The following ZBTB7C variants were observed in gnomAD, a reference collection of about 807,000 sequenced individuals.
ZBTB7C encodes zinc finger and BTB domain containing 7C, also known as zinc finger and BTB domain-containing protein 7C.
Under a neutral mutation model 25.7 loss-of-function variants are expected in ZBTB7C, and 8 were observed. That is an observed-to-expected ratio of 0.31 (90% confidence interval 0.18 to 0.56). ZBTB7C has a LOEUF of 0.56. Ranked by LOEUF, ZBTB7C falls within the 20% of genes least tolerant of loss-of-function variation. ZBTB7C has a pLI of 0.91. For synonymous variants in ZBTB7C, 394 were observed against 369.0 expected (o/e 1.07, Z -0.78); for missense variants, 824 against 855.2 (o/e 0.96, Z 0.46).
At chr18:48,338,808 T>A (rs1055226808) in intron 1 of ZBTB7C, among the ~76,000 whole-genome samples, 1 of 151,954 alleles carries the variant, frequency 6.6e-6, no homozygotes, top group African/African-American at 2.4e-5. Context: ...TGTTCTCGCA[T>A]GTGAGATGTA....
At chr18:48,305,553 C>T (rs1297576393) in intron 2 of ZBTB7C, among the ~76,000 whole-genome samples, 1 of 152,146 alleles carries the variant, frequency 6.6e-6, no homozygotes, top group Non-Finnish European at 1.5e-5. Flanking sequence ...GGAGGTGATA[C>T]CCCTCCTGGG....
intron 1 of ZBTB7C, among the ~76,000 whole-genome samples, chr18:48,358,156 G>C (rs905289280): frequency 6.6e-6 from 1 of 152,162 alleles, no homozygotes; most frequent in African/African-American, 2.4e-5. Context: ...TTCGAGAACA[G>C]CCTGGCCAAC....
chr18:48,251,129 C>T (rs1269814203), intron 2 of ZBTB7C, among the ~76,000 whole-genome samples: 1 of 151,882 alleles, frequency 6.6e-6, no homozygotes, highest in Non-Finnish European at 1.5e-5. Context: ...GAGAATGGGG[C>T]AGGACAATCA....
chr18:48,258,140 C>T (rs1348123738), intron 2 of ZBTB7C, among the ~76,000 whole-genome samples: 1 of 152,182 alleles, frequency 6.6e-6, no homozygotes, highest in Non-Finnish European at 1.5e-5. Flanking sequence ...TAATGATGAA[C>T]AACTGAATGT....
intron 1 of ZBTB7C, among the ~76,000 whole-genome samples, chr18:48,394,404 G>A (rs930170509): frequency 2.0e-5 from 3 of 152,210 alleles, no homozygotes; most frequent in Admixed American, 6.5e-5. Context: ...AGCTAAGCCA[G>A]AGGTTCAGCA....
rs747816775 is a variant in ZBTB7C, at chr18:48,162,293, GGAGGCAGGGACTCCACCTCA to G, written c.-17+23621_-17+23640del. ...AGCTAAAGGAGGATCCAGCAACAGT[GGAGGCAGGGACTCCACCTCA>G]GAGGCAGGGCCGCACTGAAGCCCAG... On this transcript the variant is annotated intron_variant, in intron 3 of 4. Transcript: ENST00000590800. 2.1e-4 allele frequency: 95 copies of G among 448,610 alleles called. 1 individual carries two copies. The Middle Eastern group carries it at 4.1e-3, about 19-fold the overall frequency. 27.8% of individuals were successfully genotyped at this position (448,610 alleles called of 1,614,324 possible).
At chr18:48,263,797 G>C (rs2044237591) in intron 2 of ZBTB7C, among the ~76,000 whole-genome samples, 1 of 151,576 alleles carries the variant, frequency 6.6e-6, no homozygotes, top group Non-Finnish European at 1.5e-5. Flanking sequence ...GTTAGTAATA[G>C]ATTAGTAATC....
chr18:48,327,482 G>C (rs897413436), intron 2 of ZBTB7C, among the ~76,000 whole-genome samples: 5 of 152,192 alleles, frequency 3.3e-5, no homozygotes, highest in Non-Finnish European at 5.9e-5. Flanking sequence ...TGAACTCACT[G>C]ATCCCCAGCT....
At chr18:48,034,690 C>A (rs2035899089) in intron 4 of ZBTB7C, among the ~76,000 whole-genome samples, 1 of 152,200 alleles carries the variant, frequency 6.6e-6, no homozygotes. Context: ...AATTTCAGAA[C>A]TCTCCGACTA....
chr18:48,044,859 C>T (rs750253643), intron 3 of ZBTB7C, among the ~76,000 whole-genome samples: 3 of 152,218 alleles, frequency 2.0e-5, no homozygotes, highest in Admixed American at 6.5e-5. Flanking sequence ...CTCACAATAA[C>T]GCATTTAGCT....
chr18:48,119,562 T>G (rs184720554), intron 3 of ZBTB7C, among the ~76,000 whole-genome samples: 4 of 152,348 alleles, frequency 2.6e-5, no homozygotes, highest in Admixed American at 2.6e-4. Context: ...ATACCTACTT[T>G]TTGTCTTTTT....
chr18:48,146,060 G>T lies in ZBTB7C; in HGVS notation c.-17+39874C>A, dbSNP rs574341099. Reference sequence around the variant, plus strand: ...ATTTTTTCCTAGGTTTTTTGCTTTTGTGATTTTTTGTTTAGATACTTGCCT... The same window carrying T: ...ATTTTTTCCTAGGTTTTTTGCTTTTTTGATTTTTTGTTTAGATACTTGCCT... On this transcript the variant is annotated intron_variant, in intron 3 of 4. Transcript: ENST00000590800. 1.2e-3 allele frequency among the ~76,000 whole-genome samples: 185 copies of T among 152,066 alleles called. 1 individual carries two copies. Among genetic ancestry groups the T allele is most frequent in the Admixed American group, 9.0e-3 (138 of 15,280 alleles).
intron 3 of ZBTB7C, among the ~76,000 whole-genome samples, chr18:48,127,621 G>T (rs916222373): frequency 2.6e-5 from 4 of 152,188 alleles, no homozygotes; most frequent in Non-Finnish European, 5.9e-5. Context: ...TCCTCCCAGG[G>T]CCCCACTGTT....
chr18:48,367,303 TG>T (rs1173577004), intron 1 of ZBTB7C, among the ~76,000 whole-genome samples: 1 of 136,830 alleles, frequency 7.3e-6, no homozygotes, highest in Non-Finnish European at 1.6e-5. Flanking sequence ...TATACATATA[TG>T]TATAGATACA....
intron 2 of ZBTB7C, among the ~76,000 whole-genome samples, chr18:48,234,884 T>G (rs1251186252): frequency 6.6e-6 from 1 of 152,206 alleles, no homozygotes; most frequent in African/African-American, 2.4e-5. Flanking sequence ...GCATACAAAT[T>G]TAGAAGTGAT....
chr18:48,271,469 T>C (rs1317490252), intron 2 of ZBTB7C, among the ~76,000 whole-genome samples: 1 of 149,066 alleles, frequency 6.7e-6, no homozygotes, highest in Non-Finnish European at 1.5e-5. Flanking sequence ...ACTGTATGTA[T>C]ATGATACATA....
At chr18:48,202,188 G>T (rs1174516390) in intron 2 of ZBTB7C, among the ~76,000 whole-genome samples, 3 of 152,228 alleles carry the variant, frequency 2.0e-5, no homozygotes, top group African/African-American at 7.2e-5. Flanking sequence ...GGGGCTGGGA[G>T]GAGGCAGGAC....
chr18:48,133,271 C>T lies in ZBTB7C; in HGVS notation c.-17+52663G>A, dbSNP rs193013531. Among the ~76,000 whole-genome samples, 140 of 152,234 alleles carry T rather than the reference C, an allele frequency of 9.2e-4. 1 individual carries two copies. The highest frequency in any genetic ancestry group is 3.1e-3 in the African/African-American group (129 of 41,548). ...CATGGAGGAGGGAGGTGCATGGGTG[C>T]GGATGAAGTGGAAGGAGGCCCACTC... On this transcript the variant is annotated intron_variant, in intron 3 of 4. Transcript: ENST00000590800.
At chr18:48,032,230 C>T (rs2035783628) in intron 4 of ZBTB7C, among the ~76,000 whole-genome samples, 1 of 151,998 alleles carries the variant, frequency 6.6e-6, no homozygotes, top group Admixed American at 6.6e-5. Flanking sequence ...TCTCCTGCCT[C>T]AGCCTCTCGA....
Sources: allele counts gnomAD v4.1 joint callset (sites outside exome capture counted in the v4.1 genomes callset), GRCh38; gene constraint gnomAD v4.1.1; transcripts MANE v1.5; gene names NCBI Gene and HGNC (gene_info 2026-07-23, HGNC 2026-07-21).